Variants in MAGOH observed in about 807,000 individuals in gnomAD.
MAGOH encodes mago homolog, exon junction complex subunit.
MAGOH carries 3 observed loss-of-function variants against 20.9 expected under a neutral mutation model. The observed-to-expected ratio is 0.14, with a 90% CI of 0.07 to 0.37. The LOEUF is 0.37. Ranked by LOEUF, MAGOH falls within the 10% of genes least tolerant of loss-of-function variation. The probability of loss-of-function intolerance (pLI) is 1.00; values close to 1 mark genes in which losing one functional copy is unlikely to be tolerated. For synonymous variants in MAGOH, 51 were observed against 61.0 expected, an observed-to-expected ratio of 0.84 and a Z score of 0.76; for missense variants, 66 against 178.1, an observed-to-expected ratio of 0.37 and a Z score of 3.58.
intron 2 of MAGOH, among the ~76,000 whole-genome samples, 174 bp downstream of exon 2, chr1:53,235,403 T>C (rs772106345): frequency 2.0e-5 from 3 of 151,976 alleles, no homozygotes; most frequent in Non-Finnish European, 4.4e-5. Context: ...CAATGTAAAA[T>C]AAAAAAATCC....
In MAGOH at chr1:53,228,198, G is replaced by A. The variant is rs201315908; in HGVS notation, c.341+674C>T. On this transcript the variant is annotated intron_variant, in intron 4 of 4. Coordinates refer to ENST00000371470, the MANE Select transcript of MAGOH (RefSeq NM_002370.4). ...TGTAATTCCAGCACTTTGGGAGGCC[G>A]AGGCAGGCGGATCATGAGGTCAGGA... Among the ~76,000 whole-genome samples the A allele has an allele frequency of 4.6e-5, 7 of 152,202 alleles. No individual in the cohort carries two copies. The East Asian group carries it at 5.8e-4, about 13-fold the overall frequency.
chr1:53,230,156 G>T (rs1381386798), intron 3 of MAGOH, among the ~76,000 whole-genome samples: 1 of 152,098 alleles, frequency 6.6e-6, no homozygotes, highest in Non-Finnish European at 1.5e-5. Context: ...AAAGATCTCT[G>T]CCCTGTGGAA....
At chr1:53,232,518 T>C (rs1233966149) in intron 3 of MAGOH, among the ~76,000 whole-genome samples, 1 of 152,122 alleles carries the variant, frequency 6.6e-6, no homozygotes, top group Non-Finnish European at 1.5e-5. Context: ...TTAGATTGGA[T>C]GGACAGGCAA....
At chr1:53,233,304 T>C (rs1341085903) in intron 3 of MAGOH, 1 of 353,070 alleles carries the variant, frequency 2.8e-6, no homozygotes, top group Non-Finnish European at 5.1e-6. Flanking sequence ...AGAATGAATA[T>C]ATACATTAAT....
At chr1:53,237,560 G>C (rs1645618368) in intron 1 of MAGOH, among the ~76,000 whole-genome samples, 1 of 150,338 alleles carries the variant, frequency 6.7e-6, no homozygotes, top group African/African-American at 2.5e-5. Context: ...TATAATTCCA[G>C]CTACTCGGGA....
intron 3 of MAGOH, among the ~76,000 whole-genome samples, chr1:53,231,493 T>G (rs1645586082): frequency 6.6e-6 from 1 of 152,246 alleles, no homozygotes; most frequent in Admixed American, 6.5e-5. Context: ...TTTTGATTTC[T>G]ATGGCCTAAT....
chr1:53,229,267 C>T (rs1344983212), intron 3 of MAGOH, among the ~76,000 whole-genome samples: 1 of 151,026 alleles, frequency 6.6e-6, no homozygotes, highest in Admixed American at 6.6e-5. Context: ...GGCATGATCT[C>T]GGCTCACTGC....
intron 2 of MAGOH, 199 bp from the exon 3 acceptor site, chr1:53,233,851 C>T (rs1645598286): frequency 4.0e-6 from 2 of 500,508 alleles, no homozygotes; most frequent in Non-Finnish European, 7.2e-6. Context: ...CACCTCAGTC[C>T]CCTATCTAGC....
intron 1 of MAGOH, among the ~76,000 whole-genome samples, chr1:53,236,121 AC>A (rs1170175820): frequency 6.6e-6 from 1 of 152,174 alleles, no homozygotes; most frequent in Non-Finnish European, 1.5e-5. Flanking sequence ...GGTACACAAG[AC>A]CCTTTGCCCA....
intron 1 of MAGOH, among the ~76,000 whole-genome samples, chr1:53,237,390 C>G (rs1645617262): frequency 6.6e-6 from 1 of 151,438 alleles, no homozygotes; most frequent in African/African-American, 2.4e-5. Context: ...ACCTTCCAAG[C>G]CCGGCCGGGC....
intron 1 of MAGOH, among the ~76,000 whole-genome samples, chr1:53,236,570 T>A (rs74086822): frequency 1.3e-5 from 2 of 152,244 alleles, no homozygotes; most frequent in African/African-American, 4.8e-5. Flanking sequence ...AATGCCTTCT[T>A]GACTCTTCTT....
intron 1 of MAGOH, 109 bp downstream of exon 1, chr1:53,238,252 C>A: frequency 1.0e-6 from 1 of 960,560 alleles, no homozygotes; most frequent in South Asian, 1.3e-5. Flanking sequence ...CTGCACAGGT[C>A]TCAGTCCCTC....
chr1:53,230,061 C>T (rs906194127), intron 3 of MAGOH, among the ~76,000 whole-genome samples: 1 of 152,212 alleles, frequency 6.6e-6, no homozygotes, highest in African/African-American at 2.4e-5. Flanking sequence ...AGTACCATAA[C>T]CTTCAAAAAG....
chr1:53,227,540 T>C (rs1214161205), intron 4 of MAGOH, among the ~76,000 whole-genome samples: 1 of 152,108 alleles, frequency 6.6e-6, no homozygotes, highest in Non-Finnish European at 1.5e-5. Context: ...TTTTTTGTTT[T>C]GTTTTGTTTT....
At chr1:53,237,673 CAA>C (rs1231950502) in intron 1 of MAGOH, among the ~76,000 whole-genome samples, 11 of 55,328 alleles carry the variant, frequency 2.0e-4, no homozygotes, top group East Asian at 1.4e-3. Flanking sequence ...AAAGCCGTCT[CAA>C]AAAAAAAAAA....
At chr1:53,228,750 G>A in intron 4 of MAGOH, 122 bp downstream of exon 4, 2 of 732,282 alleles carry the variant, frequency 2.7e-6, no homozygotes, top group Non-Finnish European at 4.8e-6. Flanking sequence ...GAAGGACAAA[G>A]CTGCCCACCT....
At chr1:53,227,891 T>C (rs1327957610) in intron 4 of MAGOH, among the ~76,000 whole-genome samples, 1 of 152,022 alleles carries the variant, frequency 6.6e-6, no homozygotes, top group East Asian at 1.9e-4. Context: ...GACCAAGAGG[T>C]TGAAGATTAC....
intron 2 of MAGOH, among the ~76,000 whole-genome samples, chr1:53,234,373 CTTTTTTTTT>C (rs71579963): frequency 7.5e-6 from 1 of 132,714 alleles, no homozygotes; most frequent in African/African-American, 2.8e-5. Flanking sequence ...CCTGGTTATT[CTTTTTTTTT>C]TTTTTTTTTG....
chr1:53,233,333 AT>A (rs1645595394), intron 3 of MAGOH: 3 of 463,896 alleles, frequency 6.5e-6, no homozygotes, highest in Non-Finnish European at 1.2e-5. Context: ...ATATACATGA[AT>A]TTAAATACAT....
Sources: gnomAD v4.1 joint callset for allele counts (sites outside exome capture counted in the v4.1 genomes callset) on GRCh38, gnomAD v4.1.1 for gene constraint, MANE v1.5 for transcripts, NCBI Gene and HGNC (gene_info 2026-07-23, HGNC 2026-07-21) for gene names.